RXFP2: variants seen among roughly 807,000 people sequenced by gnomAD.
The protein encoded by RXFP2 is relaxin family peptide receptor 2.
In RXFP2, 68 loss-of-function variants were observed where a neutral mutation model predicts 88.6. The observed-to-expected ratio is 0.77, with a 90% CI of 0.63 to 0.94. The LOEUF is 0.94. RXFP2 is among the 40% of genes least tolerant of loss of function. The pLI is 0.00. For synonymous variants in RXFP2, 329 were observed against 306.8 expected, an observed-to-expected ratio of 1.07 and a Z score of -0.76; for missense variants, 791 against 893.9, an observed-to-expected ratio of 0.88 and a Z score of 1.47.
At chr13:31,781,250 G>C (rs1005370241) in intron 9 of RXFP2, among the ~76,000 whole-genome samples, 2 of 152,208 alleles carry the variant, frequency 1.3e-5, no homozygotes, top group Non-Finnish European at 2.9e-5. Flanking sequence ...CTTACTAGCT[G>C]TGTGGTCAGA....
intron 9 of RXFP2, among the ~76,000 whole-genome samples, chr13:31,779,016 T>G (rs779271216): frequency 2.6e-5 from 4 of 152,108 alleles, no homozygotes; most frequent in Admixed American, 2.6e-4. Context: ...CAGCCACCTA[T>G]GTACTCCCAC....
chr13:31,756,930 T>TA (rs764545204), intron 1 of RXFP2, among the ~76,000 whole-genome samples: 14 of 152,152 alleles, frequency 9.2e-5, no homozygotes, highest in East Asian at 1.9e-4. Flanking sequence ...GGACTCTTTT[T>TA]AAAAAAAACA....
chr13:31,782,220 A>G (rs749895763), intron 10 of RXFP2, among the ~76,000 whole-genome samples: 2 of 152,140 alleles, frequency 1.3e-5, no homozygotes, highest in East Asian at 1.9e-4. Context: ...ATCGCTGTTT[A>G]TATTTTTTAT....
chr13:31,753,511 C>T (rs904364257), intron 1 of RXFP2, among the ~76,000 whole-genome samples: 5 of 152,260 alleles, frequency 3.3e-5, no homozygotes, highest in Middle Eastern at 3.4e-3. Flanking sequence ...TGCTACCATG[C>T]GGGCATCCTC....
At chr13:31,783,319 TC>T (rs1280129530) in intron 11 of RXFP2, among the ~76,000 whole-genome samples, 4 of 152,212 alleles carry the variant, frequency 2.6e-5, no homozygotes, top group African/African-American at 9.6e-5. Context: ...ATCATTTCTC[TC>T]GCTATTAATT....
chr13:31,760,149 C>T (rs1389669858), intron 2 of RXFP2, among the ~76,000 whole-genome samples: 3 of 152,068 alleles, frequency 2.0e-5, no homozygotes, highest in Non-Finnish European at 2.9e-5. Flanking sequence ...AGTTCAATGG[C>T]GTGATCTCAG....
At chr13:31,760,921 C>T (rs1444911495) in intron 2 of RXFP2, among the ~76,000 whole-genome samples, 2 of 152,022 alleles carry the variant, frequency 1.3e-5, no homozygotes, top group Non-Finnish European at 1.5e-5. Flanking sequence ...TAATATATGA[C>T]AAATTGAGGA....
At chr13:31,785,479 A>G (rs1320350776) in intron 11 of RXFP2, among the ~76,000 whole-genome samples, 1 of 151,798 alleles carries the variant, frequency 6.6e-6, no homozygotes, top group Middle Eastern at 3.2e-3. Flanking sequence ...CTAATGTCCC[A>G]GGCCAAGACT....
chr13:31,795,315 A>G (rs535051109), intron 16 of RXFP2, among the ~76,000 whole-genome samples: 1 of 152,072 alleles, frequency 6.6e-6, no homozygotes, highest in South Asian at 2.1e-4. Context: ...ATGCCCCGCT[A>G]ATTTTTATAT....
At chr13:31,778,659 C>T (rs940573292) in intron 9 of RXFP2, 76 bp downstream of exon 9, 1 of 994,300 alleles carries the variant, frequency 1.0e-6, no homozygotes, top group Non-Finnish European at 1.6e-6. Context: ...TTCAAGGTTA[C>T]CTAGAAAGTC....
intron 2 of RXFP2, among the ~76,000 whole-genome samples, chr13:31,760,953 CTTTATTTATTTA>C (rs934903334): frequency 1.3e-5 from 2 of 151,628 alleles, no homozygotes; most frequent in East Asian, 3.9e-4. Flanking sequence ...ACTCAAAAAC[CTTTATTTATTTA>C]TTTATTTGAG....
intron 14 of RXFP2, 69 bp downstream of exon 14, chr13:31,789,262 T>A: frequency 1.0e-6 from 1 of 980,528 alleles, no homozygotes; most frequent in Non-Finnish European, 1.6e-6. Flanking sequence ...GTAAACTGTC[T>A]AATGTATCAC....
In RXFP2 at chr13:31,758,357, G is replaced by T. The variant is rs763265404; in HGVS notation, c.194G>T (p.Cys65Phe). The change falls in exon 2 of 18, where the codon TGT (cysteine) becomes TTT (phenylalanine). Residue 65 changes from cysteine (C) to phenylalanine (F), a missense_variant. By Grantham distance (205) the Cys-to-Phe change is radical. Coordinates refer to ENST00000298386, the MANE Select transcript of RXFP2 (RefSeq NM_130806.5). ...LTKCLPRAFHCDGKDDCGNGA... is the reference protein window; with the variant it reads ...LTKCLPRAFHFDGKDDCGNGA... ...AAGTGCTTACCCCGAGCTTTTCACTGTGATGGCAAGGATGACTGTGGGAAC... is the reference window on the plus strand; with the variant it reads ...AAGTGCTTACCCCGAGCTTTTCACTTTGATGGCAAGGATGACTGTGGGAAC... 2.5e-6 allele frequency: 4 copies of T among 1,614,056 alleles called. No homozygotes were observed. In the South Asian group the frequency reaches 4.4e-5, roughly 18 times the overall value.
At chr13:31,754,536 GAA>G (rs370053719) in intron 1 of RXFP2, among the ~76,000 whole-genome samples, 1 of 145,782 alleles carries the variant, frequency 6.9e-6, no homozygotes, top group Non-Finnish European at 1.5e-5. Flanking sequence ...ATCTCAAGAA[GAA>G]AAAAAAAAGC....
chr13:31,758,920 T>C (rs898874380), intron 2 of RXFP2, among the ~76,000 whole-genome samples: 2 of 151,920 alleles, frequency 1.3e-5, no homozygotes, highest in African/African-American at 4.8e-5. Flanking sequence ...TGGTGACAGG[T>C]GCCTGTAATC....
intron 5 of RXFP2, among the ~76,000 whole-genome samples, chr13:31,767,414 C>T (rs1199333365): frequency 6.6e-6 from 1 of 152,130 alleles, no homozygotes; most frequent in Admixed American, 6.5e-5. Flanking sequence ...GAAATTCTAA[C>T]CACATTCTTC....
Position 31,777,421 on chromosome 13 carries a change from T to G in RXFP2, c.687T>G (p.Phe229Leu). The stretch of plus-strand genomic sequence containing the variant: ...TAACCAGAATTTCACAGCGCTTGTT[T>G]ACGGGATTAAATTCCTTGTTTTTCC... The part of the protein sequence containing the change: ...NPITRISQRL[F>L]TGLNSLFFLS... The change falls in exon 8 of 18, where the codon TTT becomes TTG. Residue 229 changes from phenylalanine to leucine, a missense_variant. Coordinates refer to ENST00000298386, the MANE Select transcript of RXFP2 (RefSeq NM_130806.5). The G allele has an allele frequency of 6.2e-7, 1 of 1,611,872 alleles. No homozygotes were observed.
intron 9 of RXFP2, among the ~76,000 whole-genome samples, chr13:31,779,954 G>A (rs928764231): frequency 6.6e-6 from 1 of 152,144 alleles, no homozygotes; most frequent in Non-Finnish European, 1.5e-5. Flanking sequence ...TGAACACCAT[G>A]AGAATAAGAA....
intron 17 of RXFP2, among the ~76,000 whole-genome samples, chr13:31,799,055 G>A (rs1874197869): frequency 6.6e-6 from 1 of 152,120 alleles, no homozygotes; most frequent in African/African-American, 2.4e-5. Flanking sequence ...TAAGCTTGGG[G>A]AGGCGTGTAT....
Sources: allele counts gnomAD v4.1 joint callset (sites outside exome capture counted in the v4.1 genomes callset), GRCh38; gene constraint gnomAD v4.1.1; transcripts MANE v1.5; gene names NCBI Gene and HGNC (gene_info 2026-07-23, HGNC 2026-07-21).